The following DPP10 variants were observed in gnomAD, a reference collection of about 807,000 sequenced individuals.
DPP10 encodes the protein dipeptidyl peptidase like 10.
In DPP10, 33 loss-of-function variants were observed where a neutral mutation model predicts 120.9. The observed-to-expected ratio is 0.27, with a 90% confidence interval of 0.21 to 0.37. The LOEUF (loss-of-function observed/expected upper bound fraction) is 0.37, where lower values mean the gene tolerates loss of function less well. Ranked by LOEUF, DPP10 falls within the 10% of genes least tolerant of loss-of-function variation. The pLI, the probability that DPP10 is intolerant of heterozygous loss-of-function variation, is 1.00. For missense variants in DPP10, 816 were observed against 942.8 expected, an observed-to-expected ratio of 0.87 and a Z score of 1.76; for synonymous variants, 337 against 326.1, an observed-to-expected ratio of 1.03 and a Z score of -0.36.
intron 1 of DPP10, among the ~76,000 whole-genome samples, chr2:114,694,396 A>G (rs1328315349): frequency 6.6e-6 from 1 of 151,976 alleles, no homozygotes; most frequent in Non-Finnish European, 1.5e-5. Flanking sequence ...TTATTTAAAT[A>G]TGATTTATAA....
intron 5 of DPP10, among the ~76,000 whole-genome samples, chr2:115,536,967 G>A (rs1454204022): frequency 1.3e-5 from 2 of 152,034 alleles, no homozygotes; most frequent in African/African-American, 4.8e-5. Context: ...TCTCCTCATA[G>A]GAGTTATTTA....
chr2:115,171,776 C>G (rs1006192173), intron 1 of DPP10, among the ~76,000 whole-genome samples: 1 of 151,774 alleles, frequency 6.6e-6, no homozygotes, highest in East Asian at 1.9e-4. Flanking sequence ...AGGCAAGGCT[C>G]ATTTGACATT....
At chr2:115,420,178 C>G (rs2069809206) in intron 3 of DPP10, among the ~76,000 whole-genome samples, 1 of 152,144 alleles carries the variant, frequency 6.6e-6, no homozygotes, top group African/African-American at 2.4e-5. Context: ...CTGAGAGGCT[C>G]TACATCTGAG....
intron 1 of DPP10, among the ~76,000 whole-genome samples, chr2:114,453,719 TC>T (rs1678411240): frequency 2.0e-5 from 3 of 151,996 alleles, no homozygotes; most frequent in South Asian, 4.2e-4. Flanking sequence ...CAAAACCCAT[TC>T]CCCCTCCAAA....
Position 115,777,296 on chromosome 2 carries a change from A to G in DPP10, c.1310A>G (p.Lys437Arg), listed in dbSNP as rs1682223545. Residue 437 changes from lysine (K) to arginine (R), a missense_variant, in exon 14 of 26, where the codon AAA becomes AGA. Around this residue, in one of 3 missense-constraint regions of DPP10, gnomAD observed 592 missense variants for 649.0 expected, o/e 0.91. Transcript: ENST00000410059. Reference sequence around the variant, plus strand: ...TTGGCATACGATGAAACTACTCAAAAAATGTGAGTGTTTTCAGTTCTCTAG... The same window carrying G: ...TTGGCATACGATGAAACTACTCAAAGAATGTGAGTGTTTTCAGTTCTCTAG... ...KILAYDETTQ[K>R]IYFLSTESSP... 12 of 1,611,848 alleles carry G rather than the reference A, an allele frequency of 7.4e-6. No homozygotes were observed. The highest frequency in any genetic ancestry group is 8.5e-6 in the Non-Finnish European group (10 of 1,178,306).
intron 1 of DPP10, among the ~76,000 whole-genome samples, chr2:115,194,127 C>T (rs1040187044): frequency 6.6e-6 from 1 of 152,120 alleles, no homozygotes; most frequent in Non-Finnish European, 1.5e-5. Context: ...ATGAAGTTTC[C>T]TCCAAAAGTT....
chr2:115,353,366 G>A (rs1343930033), intron 3 of DPP10, among the ~76,000 whole-genome samples: 1 of 152,096 alleles, frequency 6.6e-6, no homozygotes, highest in Non-Finnish European at 1.5e-5. Flanking sequence ...ATGTATAAAA[G>A]TAATGGAAAA....
intron 5 of DPP10, among the ~76,000 whole-genome samples, chr2:115,561,216 G>A (rs1252169541): frequency 6.6e-6 from 1 of 151,750 alleles, no homozygotes; most frequent in African/African-American, 2.4e-5. Context: ...AAAATTAGCC[G>A]GGCTTGGTGG....
At chr2:114,995,272 C>G (rs1574654944) in intron 1 of DPP10, among the ~76,000 whole-genome samples, 1 of 152,148 alleles carries the variant, frequency 6.6e-6, no homozygotes, top group African/African-American at 2.4e-5. Flanking sequence ...AATGCATAAC[C>G]AATATGGTTG....
chr2:115,336,428 TA>T (rs2063133815), intron 2 of DPP10, among the ~76,000 whole-genome samples: 1 of 152,066 alleles, frequency 6.6e-6, no homozygotes, highest in Non-Finnish European at 1.5e-5. Context: ...TGTGAATTGT[TA>T]AACCATATAT....
intron 2 of DPP10, among the ~76,000 whole-genome samples, chr2:115,310,669 C>T (rs1409091715): frequency 6.6e-6 from 1 of 152,120 alleles, no homozygotes; most frequent in Admixed American, 6.6e-5. Context: ...ATCTGCAGTA[C>T]AATGTCATTG....
intron 1 of DPP10, among the ~76,000 whole-genome samples, chr2:114,457,259 T>G (rs930459221): frequency 6.6e-6 from 1 of 152,238 alleles, no homozygotes; most frequent in African/African-American, 2.4e-5. Flanking sequence ...TATTGACATG[T>G]TGGGCCAGAC....
At chr2:115,488,897 A>T (rs924880177) in intron 3 of DPP10, among the ~76,000 whole-genome samples, 1 of 147,004 alleles carries the variant, frequency 6.8e-6, no homozygotes, top group Admixed American at 6.9e-5. Flanking sequence ...AAAAAAAAAA[A>T]AAATATGTAT....
intron 8 of DPP10, among the ~76,000 whole-genome samples, chr2:115,737,751 C>A (rs1041931520): frequency 5.9e-5 from 9 of 152,120 alleles, no homozygotes; most frequent in African/African-American, 1.7e-4. Flanking sequence ...TTTCAAAGTC[C>A]AAAGAATTCA....
intron 3 of DPP10, among the ~76,000 whole-genome samples, chr2:115,464,989 T>C (rs913826547): frequency 6.6e-6 from 1 of 152,182 alleles, no homozygotes; most frequent in Non-Finnish European, 1.5e-5. Context: ...CCTTTTATAT[T>C]CTTAAAAAGA....
chr2:115,260,847 G>A (rs1473730922), intron 1 of DPP10, among the ~76,000 whole-genome samples: 1 of 152,118 alleles, frequency 6.6e-6, no homozygotes, highest in East Asian at 1.9e-4. Context: ...CTATCCTTGG[G>A]TTCATAAGTT....
chr2:114,781,371 T>C (rs942208502), intron 1 of DPP10, among the ~76,000 whole-genome samples: 1 of 152,122 alleles, frequency 6.6e-6, no homozygotes, highest in African/African-American at 2.4e-5. Flanking sequence ...AGCCAAACAC[T>C]GTTTAAAATA....
intron 1 of DPP10, among the ~76,000 whole-genome samples, chr2:115,211,517 A>G (rs1201503436): frequency 6.6e-6 from 1 of 152,130 alleles, no homozygotes; most frequent in Non-Finnish European, 1.5e-5. Flanking sequence ...GGATTTAATA[A>G]CATTTGCTCT....
At chr2:115,233,302 C>T (rs1195477324) in intron 1 of DPP10, among the ~76,000 whole-genome samples, 3 of 151,970 alleles carry the variant, frequency 2.0e-5, no homozygotes, top group Non-Finnish European at 4.4e-5. Context: ...GAACTGTTCC[C>T]ACTGTGCTTC....
Sources: gnomAD v4.1 joint callset for allele counts (sites outside exome capture counted in the v4.1 genomes callset) on GRCh38, gnomAD v4.1.1 for gene constraint, gnomAD v4.1.1 regional missense constraint, MANE v1.5 for transcripts, NCBI Gene and HGNC (gene_info 2026-07-23, HGNC 2026-07-21) for gene names.